Variants in ENPP3 observed in about 807,000 individuals in gnomAD.
ENPP3 encodes the protein ectonucleotide pyrophosphatase/phosphodiesterase family member 3.
A neutral mutation model predicts 117.8 loss-of-function variants in ENPP3; 104 were observed. The observed-to-expected ratio is 0.88, with a 90% CI of 0.75 to 1.04. ENPP3 has a LOEUF of 1.04. Ranked by LOEUF, ENPP3 falls within the 50% of genes least tolerant of loss-of-function variation. The probability of loss-of-function intolerance (pLI) is 0.00; values close to 1 mark genes in which losing one functional copy is unlikely to be tolerated. For missense variants in ENPP3, 1,026 were observed against 1,051.9 expected (o/e 0.98, Z 0.34); for synonymous variants, 380 against 349.9 (o/e 1.09, Z -0.96).
intron 15 of ENPP3, chr6:131,710,073 C>T: frequency 6.2e-7 from 1 of 1,613,562 alleles, no homozygotes; most frequent in African/African-American, 1.3e-5. Flanking sequence ...TCAGTTTCTT[C>T]AAAGCTCCTT....
chr6:131,656,471 T>C (rs1224071662), intron 5 of ENPP3, among the ~76,000 whole-genome samples: 1 of 152,120 alleles, frequency 6.6e-6, no homozygotes, highest in Non-Finnish European at 1.5e-5. Context: ...TGGTCTCCTT[T>C]GAAAGTTTGT....
At chr6:131,696,593 T>G (rs2114461569) in intron 15 of ENPP3, among the ~76,000 whole-genome samples, 1 of 152,266 alleles carries the variant, frequency 6.6e-6, no homozygotes, top group South Asian at 2.1e-4. Context: ...GAATCTTTGC[T>G]CAGCTCACCA....
At chr6:131,705,908 T>A (rs1335436939) in intron 15 of ENPP3, among the ~76,000 whole-genome samples, 1 of 135,756 alleles carries the variant, frequency 7.4e-6, no homozygotes, top group Non-Finnish European at 1.5e-5. Flanking sequence ...AATGCATTAC[T>A]TACATGTTTG....
chr6:131,725,949 A>G lies in ENPP3; in HGVS notation c.1799-97A>G, dbSNP rs180914687. Reference sequence around the variant, plus strand: ...TAGAGTACTTGTCATATAATAAGCCATAAGAGAGTGGTAGTTATTATATGG... The same window carrying G: ...TAGAGTACTTGTCATATAATAAGCCGTAAGAGAGTGGTAGTTATTATATGG... On this transcript the variant is annotated intron_variant, in intron 19 of 24. Coordinates refer to ENST00000357639, the MANE Select transcript of ENPP3 (RefSeq NM_005021.5). The G allele has an allele frequency of 2.9e-4, 207 of 722,126 alleles. No homozygotes were observed. The East Asian group carries it at 5.4e-3, about 19-fold the overall frequency. 44.7% of individuals were successfully genotyped at this position (722,126 alleles called of 1,614,324 possible).
chr6:131,682,982 A>T, intron 11 of ENPP3, 72 bp from the exon 12 acceptor site: 1 of 921,670 alleles, frequency 1.1e-6, no homozygotes. Context: ...TTTAATTTTT[A>T]CTTCATTAGA....
chr6:131,737,282 G>A (rs1252133007), intron 21 of ENPP3, 73 bp from the exon 22 acceptor site: 1 of 829,156 alleles, frequency 1.2e-6, no homozygotes, highest in Non-Finnish European at 2.0e-6. Flanking sequence ...ATATGTAATA[G>A]TAGTATGCCT....
chr6:131,729,721 C>A (rs538744030), intron 20 of ENPP3, among the ~76,000 whole-genome samples: 1 of 152,082 alleles, frequency 6.6e-6, no homozygotes, highest in South Asian at 2.1e-4. Flanking sequence ...CCCCTCCATC[C>A]TTCTAATGGG....
intron 2 of ENPP3, among the ~76,000 whole-genome samples, chr6:131,649,527 A>G (rs989118648): frequency 2.6e-5 from 4 of 152,064 alleles, no homozygotes; most frequent in Non-Finnish European, 4.4e-5. Flanking sequence ...GTGTGCTCCC[A>G]TGTACTCCTT....
chr6:131,649,027 T>C (rs1778207784), intron 2 of ENPP3, among the ~76,000 whole-genome samples: 2 of 152,252 alleles, frequency 1.3e-5, no homozygotes, highest in South Asian at 4.1e-4. Context: ...CCTTACATTT[T>C]GGAAGTCATC....
intron 11 of ENPP3, among the ~76,000 whole-genome samples, chr6:131,680,064 A>G (rs527671292): frequency 6.6e-6 from 1 of 152,338 alleles, no homozygotes; most frequent in African/African-American, 2.4e-5. Context: ...TGACAGGACC[A>G]GATCTATGTG....
At chr6:131,686,569 A>G (rs1170075903) in intron 14 of ENPP3, among the ~76,000 whole-genome samples, 1 of 152,166 alleles carries the variant, frequency 6.6e-6, no homozygotes, top group Non-Finnish European at 1.5e-5. Flanking sequence ...GATTTGTTAC[A>G]TGGGAATATT....
rs577430738 is a variant in ENPP3 at position 131,652,404 on chromosome 6, T to C, written c.278-138T>C. 34 of 884,120 alleles carry C rather than the reference T, an allele frequency of 3.8e-5. No individual in the cohort carries two copies. The East Asian group carries it at 8.4e-4, about 22-fold the overall frequency. 54.8% of individuals were successfully genotyped at this position (884,120 alleles called of 1,614,324 possible). The stretch of plus-strand genomic sequence containing the variant: ...AAGTGGTGGTTTGCCCCTCATTTGG[T>C]ATTATGTATTTTCATTTATTAATAC... On this transcript the variant is annotated intron_variant, in intron 3 of 24. Transcript: ENST00000357639.
Position 131,679,001 on chromosome 6 carries a change from G to GCTTCCTTC in ENPP3, c.1011+1082_1011+1089dup, listed in dbSNP as rs1191014512. ...TCCTTCCTTCCTTCCTTCCTTCCTT[G>GCTTCCTTC]CTTCCTTCCTTCCTTCCTTCCTTCC... On this transcript the variant is annotated intron_variant, in intron 11 of 24. Transcript: ENST00000357639. Among the ~76,000 whole-genome samples, 132 of 40,480 alleles carry GCTTCCTTC rather than the reference G, an allele frequency of 3.3e-3. 5 individuals carry two copies. The highest frequency in any genetic ancestry group is 0.011 in the South Asian group (12 of 1,080). 26.6% of individuals were successfully genotyped at this position (40,480 alleles called of 152,430 possible). A position where few individuals can be genotyped will look rare whatever the true frequency, so the allele number is the denominator to read the frequency against.
chr6:131,745,964 T>C (rs1474522354), intron 24 of ENPP3, among the ~76,000 whole-genome samples: 3 of 151,922 alleles, frequency 2.0e-5, no homozygotes, highest in Non-Finnish European at 4.4e-5. Context: ...ACTAAAAATA[T>C]TAAAAAATTA....
intron 2 of ENPP3, among the ~76,000 whole-genome samples, chr6:131,647,076 G>A (rs567120662): frequency 1.2e-3 from 183 of 147,532 alleles, no homozygotes; most frequent in Non-Finnish European, 2.2e-3. Flanking sequence ...GTTTCGCCAT[G>A]TTGCCAAGGC....
chr6:131,683,109 T>G lies in ENPP3; in HGVS notation c.1067T>G (p.Leu356Arg). 6.2e-7 allele frequency: 1 copy of G among 1,612,984 alleles called. No individual in the cohort carries two copies. The highest frequency in any genetic ancestry group is 8.5e-7 in the Non-Finnish European group (1 of 1,179,052). ...DHAFGMLMEGLKQRNLHNCVN... is the reference protein window; with the variant it reads ...DHAFGMLMEGRKQRNLHNCVN... Reference sequence around the variant, plus strand: ...GCTTTTGGGATGTTGATGGAAGGCCTGAAGCAGCGGAATTTGCACAACTGT... The same window carrying G: ...GCTTTTGGGATGTTGATGGAAGGCCGGAAGCAGCGGAATTTGCACAACTGT... The change falls in exon 12 of 25, where the codon CTG (leucine) becomes CGG (arginine). Residue 356 changes from leucine to arginine, a missense_variant. Physicochemically the swap from Leu to Arg is moderately radical, Grantham distance 102. Coordinates refer to ENST00000357639, the MANE Select transcript of ENPP3 (RefSeq NM_005021.5).
At chr6:131,643,512 C>G (rs1778094303) in intron 2 of ENPP3, among the ~76,000 whole-genome samples, 1 of 152,126 alleles carries the variant, frequency 6.6e-6, no homozygotes, top group East Asian at 1.9e-4. Flanking sequence ...TGGTAATTAA[C>G]TCCAGCCCCT....
At chr6:131,718,229 A>T (rs1779939301) in intron 15 of ENPP3, among the ~76,000 whole-genome samples, 1 of 152,352 alleles carries the variant, frequency 6.6e-6, no homozygotes, top group East Asian at 1.9e-4. Flanking sequence ...GCAAAGATTT[A>T]TTCCTAAAGC....
intron 15 of ENPP3, chr6:131,709,420 G>A (rs200750273): frequency 0.11 from 174,525 of 1,576,046 alleles, 19,900 homozygotes; most frequent in African/African-American, 0.54. Flanking sequence ...AAAAGCTCTC[G>A]TTTCAGATGA....
Sources: gnomAD v4.1 joint callset for allele counts (sites outside exome capture counted in the v4.1 genomes callset) on GRCh38, gnomAD v4.1.1 for gene constraint, MANE v1.5 for transcripts, NCBI Gene and HGNC (gene_info 2026-07-23, HGNC 2026-07-21) for gene names.